NXPH2: variants seen among roughly 807,000 people sequenced by gnomAD.
NXPH2 encodes the protein neurexophilin 2.
In NXPH2, 5 loss-of-function variants were observed where a neutral mutation model predicts 19.8. The observed-to-expected ratio is 0.25, with a 90% CI of 0.13 to 0.53. The LOEUF is 0.53. Ranked by LOEUF, NXPH2 falls within the 20% of genes least tolerant of loss-of-function variation. NXPH2 has a pLI of 0.96. For missense variants in NXPH2, 289 were observed against 322.8 expected, an observed-to-expected ratio of 0.90 and a Z score of 0.80; for synonymous variants, 154 against 127.4, an observed-to-expected ratio of 1.21 and a Z score of -1.41.
At chr2:138,705,130 TA>T (rs1026327653) in intron 1 of NXPH2, among the ~76,000 whole-genome samples, 6 of 152,010 alleles carry the variant, frequency 3.9e-5, no homozygotes, top group African/African-American at 1.4e-4. Flanking sequence ...CTTGGTCTTT[TA>T]AAAAAATTTT....
At chr2:138,753,881 T>C (rs1015873713) in intron 1 of NXPH2, among the ~76,000 whole-genome samples, 1 of 152,216 alleles carries the variant, frequency 6.6e-6, no homozygotes, top group African/African-American at 2.4e-5. Flanking sequence ...GTACAGTGCT[T>C]ATATACAGTT....
intron 1 of NXPH2, among the ~76,000 whole-genome samples, chr2:138,730,830 A>G (rs568180952): frequency 6.6e-6 from 1 of 152,342 alleles, no homozygotes; most frequent in East Asian, 1.9e-4. Flanking sequence ...ACCCATGAGC[A>G]TAACAAATTG....
At chr2:138,704,871 C>G (rs1381167695) in intron 1 of NXPH2, among the ~76,000 whole-genome samples, 2 of 149,482 alleles carry the variant, frequency 1.3e-5, no homozygotes, top group Non-Finnish European at 3.0e-5. Context: ...GTCACTCAGG[C>G]TGGAGTGCAA....
chr2:138,702,585 C>G (rs1680945220), intron 1 of NXPH2, among the ~76,000 whole-genome samples: 1 of 149,882 alleles, frequency 6.7e-6, no homozygotes, highest in Non-Finnish European at 1.5e-5. Flanking sequence ...TTCCCACCCT[C>G]CCAACCCCCA....
intron 1 of NXPH2, among the ~76,000 whole-genome samples, chr2:138,751,088 C>A (rs1573977656): frequency 1.4e-5 from 2 of 140,672 alleles, no homozygotes; most frequent in African/African-American, 5.1e-5. Context: ...CTTTACTGCC[C>A]AACAGTCTCC....
chr2:138,685,037 G>T (rs1189841740), intron 1 of NXPH2, among the ~76,000 whole-genome samples: 1 of 152,190 alleles, frequency 6.6e-6, no homozygotes, highest in Non-Finnish European at 1.5e-5. Flanking sequence ...TTTGGCAAAA[G>T]TTGCCCAGCC....
intron 1 of NXPH2, among the ~76,000 whole-genome samples, chr2:138,756,308 T>G (rs550332858): frequency 6.6e-6 from 1 of 152,096 alleles, no homozygotes; most frequent in Non-Finnish European, 1.5e-5. Flanking sequence ...TATGTTTCCC[T>G]CAGAATGGGT....
At chr2:138,672,438 G>A (rs1680429251) in intron 1 of NXPH2, among the ~76,000 whole-genome samples, 3 of 152,046 alleles carry the variant, frequency 2.0e-5, no homozygotes, top group Admixed American at 2.0e-4. Flanking sequence ...TCAAATCATA[G>A]CCACCGAAAC....
chr2:138,677,956 C>G (rs530047638), intron 1 of NXPH2, among the ~76,000 whole-genome samples: 38 of 152,262 alleles, frequency 2.5e-4, no homozygotes, highest in African/African-American at 8.4e-4. Context: ...AACTATTAAA[C>G]CAATATTGAT....
intron 1 of NXPH2, among the ~76,000 whole-genome samples, chr2:138,695,675 A>G (rs1680819145): frequency 6.6e-6 from 1 of 152,158 alleles, no homozygotes; most frequent in Admixed American, 6.6e-5. Flanking sequence ...AAACTATTTG[A>G]TATAAACATG....
At chr2:138,711,928 G>A (rs1171404531) in intron 1 of NXPH2, among the ~76,000 whole-genome samples, 11 of 152,190 alleles carry the variant, frequency 7.2e-5, no homozygotes, top group Admixed American at 7.2e-4. Flanking sequence ...TTTGGCTTAT[G>A]TTTAGTTTCA....
chr2:138,724,156 C>G (rs1282406285), intron 1 of NXPH2, among the ~76,000 whole-genome samples: 1 of 152,130 alleles, frequency 6.6e-6, no homozygotes, highest in Non-Finnish European at 1.5e-5. Flanking sequence ...GTGTTCTCAT[C>G]ATTTAGTTCC....
chr2:138,780,075 C>T (rs1573988529), intron 1 of NXPH2, 116 bp downstream of exon 1: 5 of 1,057,742 alleles, frequency 4.7e-6, no homozygotes, highest in Admixed American at 3.5e-5. Flanking sequence ...CCTCCGCGCG[C>T]CCCCAACCCC....
chr2:138,750,421 C>G (rs919061974), intron 1 of NXPH2, among the ~76,000 whole-genome samples: 1 of 150,950 alleles, frequency 6.6e-6, no homozygotes, highest in Non-Finnish European at 1.5e-5. Context: ...TTTTGGGGTA[C>G]TAAAATAAAA....
At chr2:138,749,434 T>C (rs1401603429) in intron 1 of NXPH2, among the ~76,000 whole-genome samples, 1 of 152,216 alleles carries the variant, frequency 6.6e-6, no homozygotes, top group African/African-American at 2.4e-5. Flanking sequence ...TTTATGTTTA[T>C]AAAATTCCTT....
chr2:138,692,266 C>A (rs980453228), intron 1 of NXPH2, among the ~76,000 whole-genome samples: 1 of 152,188 alleles, frequency 6.6e-6, no homozygotes, highest in Non-Finnish European at 1.5e-5. Context: ...TTTTCCTGAA[C>A]ACTGTCACAT....
intron 1 of NXPH2, among the ~76,000 whole-genome samples, chr2:138,728,719 C>G (rs1311537459): frequency 6.6e-6 from 1 of 152,138 alleles, no homozygotes; most frequent in Non-Finnish European, 1.5e-5. Context: ...TGCATTTATT[C>G]TCTGATAAAA....
At chr2:138,724,216 T>C (rs1033878655) in intron 1 of NXPH2, among the ~76,000 whole-genome samples, 1 of 152,238 alleles carries the variant, frequency 6.6e-6, no homozygotes, top group Admixed American at 6.5e-5. Context: ...CCTGTGTTAG[T>C]TCCAGCTCCA....
At chr2:138,704,750 C>T (rs552723413) in intron 1 of NXPH2, among the ~76,000 whole-genome samples, 12 of 152,096 alleles carry the variant, frequency 7.9e-5, no homozygotes, top group Admixed American at 3.9e-4. Context: ...CTGAACTCCT[C>T]GGCTCAAGTG....
Sources: allele counts gnomAD v4.1 joint callset (sites outside exome capture counted in the v4.1 genomes callset), GRCh38; gene constraint gnomAD v4.1.1; transcripts MANE v1.5; gene names NCBI Gene and HGNC (gene_info 2026-07-23, HGNC 2026-07-21).